The following COL8A1 variants were observed in gnomAD, a reference collection of about 807,000 sequenced individuals.
The protein encoded by COL8A1 is collagen alpha-1(VIII) chain.
COL8A1 carries 21 observed loss-of-function variants against 42.7 expected under a neutral mutation model. The observed-to-expected ratio is 0.49, with a 90% confidence interval of 0.35 to 0.71. The LOEUF (loss-of-function observed/expected upper bound fraction) is 0.71. Among genes scored for constraint, COL8A1 ranks in the 30% least tolerant of loss-of-function variants. COL8A1 has a pLI of 0.01. For missense variants in COL8A1, 788 were observed against 962.4 expected, an observed-to-expected ratio of 0.82 and a Z score of 2.40; for synonymous variants, 367 against 369.1, an observed-to-expected ratio of 0.99 and a Z score of 0.06.
intron 2 of COL8A1, among the ~76,000 whole-genome samples, chr3:99,785,139 T>C (rs576790474): frequency 6.6e-5 from 10 of 152,336 alleles, no homozygotes; most frequent in East Asian, 5.8e-4. Context: ...GTTTAGATAA[T>C]TTAAAAAGCA....
rs1231219330 is a variant in COL8A1, at chr3:99,773,834, TA to T, written c.-3-16845del. On this transcript the variant is annotated intron_variant, in intron 2 of 3. Coordinates refer to ENST00000652472, the MANE Select transcript of COL8A1 (RefSeq NM_020351.4). The stretch of plus-strand genomic sequence containing the variant: ...ATGTGTGTATATATATATATATATA[TA>T]TATTTTTTTTTTTTTTTTTTTTTTT... Among the ~76,000 whole-genome samples the T allele has an allele frequency of 3.3e-3, 270 of 81,022 alleles. 1 individual carries two copies. Among genetic ancestry groups the T allele is most frequent in the African/African-American group, 0.013 (226 of 18,036 alleles). The allele number at this position is 81,022 out of a possible 152,430, so 53.2% of individuals were successfully genotyped here. A position where few individuals can be genotyped will look rare whatever the true frequency, so the allele number is the denominator to read the frequency against.
At chr3:99,697,213 C>G (rs1004009397) in intron 1 of COL8A1, among the ~76,000 whole-genome samples, 1 of 151,842 alleles carries the variant, frequency 6.6e-6, no homozygotes. Flanking sequence ...GTCTCGATCT[C>G]CTGACCTCGT....
chr3:99,667,495 GATC>G (rs1479453184), intron 1 of COL8A1, among the ~76,000 whole-genome samples: 1 of 152,106 alleles, frequency 6.6e-6, no homozygotes, highest in Non-Finnish European at 1.5e-5. Context: ...TTCCTTAGAA[GATC>G]ATCTGTCGCT....
intron 1 of COL8A1, among the ~76,000 whole-genome samples, chr3:99,716,582 A>G (rs759301705): frequency 6.6e-6 from 1 of 152,016 alleles, no homozygotes; most frequent in Non-Finnish European, 1.5e-5. Context: ...ATTCCAAACA[A>G]AATCAAAACC....
At chr3:99,734,920 T>C (rs1430856682) in intron 1 of COL8A1, among the ~76,000 whole-genome samples, 1 of 151,658 alleles carries the variant, frequency 6.6e-6, no homozygotes, top group Non-Finnish European at 1.5e-5. Flanking sequence ...CAATTGTGAA[T>C]GGGAGTTCAC....
intron 2 of COL8A1, among the ~76,000 whole-genome samples, chr3:99,755,089 A>C (rs1941228677): frequency 6.6e-6 from 1 of 152,236 alleles, no homozygotes; most frequent in Non-Finnish European, 1.5e-5. Flanking sequence ...CCCTAAAATT[A>C]GGCTAGATAA....
intron 3 of COL8A1, among the ~76,000 whole-genome samples, chr3:99,791,432 G>A (rs927062813): frequency 6.6e-6 from 1 of 152,194 alleles, no homozygotes; most frequent in African/African-American, 2.4e-5. Flanking sequence ...GACCTGCTGT[G>A]TTAAAAGAAA....
intron 2 of COL8A1, among the ~76,000 whole-genome samples, chr3:99,772,032 A>G (rs905003647): frequency 6.6e-6 from 1 of 152,224 alleles, no homozygotes; most frequent in African/African-American, 2.4e-5. Context: ...ACTACCTAGC[A>G]AAGCCCACAT....
chr3:99,768,563 T>C (rs1407397666), intron 2 of COL8A1, among the ~76,000 whole-genome samples: 1 of 152,220 alleles, frequency 6.6e-6, no homozygotes, highest in Non-Finnish European at 1.5e-5. Flanking sequence ...AGGGTCTCCT[T>C]TAGATCTCAT....
chr3:99,783,500 G>A (rs1402567319), intron 2 of COL8A1, among the ~76,000 whole-genome samples: 4 of 152,218 alleles, frequency 2.6e-5, no homozygotes, highest in Non-Finnish European at 5.9e-5. Context: ...CTTGCCCACT[G>A]CCTCCATGTG....
intron 2 of COL8A1, among the ~76,000 whole-genome samples, chr3:99,770,591 A>AGAGAAT (rs1941560264): frequency 6.6e-6 from 1 of 152,244 alleles, no homozygotes. Context: ...ACAATAAAAG[A>AGAGAAT]GAGAATGGAA....
intron 1 of COL8A1, among the ~76,000 whole-genome samples, chr3:99,653,858 G>A (rs1036721060): frequency 6.6e-6 from 1 of 151,994 alleles, no homozygotes; most frequent in South Asian, 2.1e-4. Flanking sequence ...GTTCTCTAGA[G>A]GGACAGAGCT....
intron 2 of COL8A1, among the ~76,000 whole-genome samples, chr3:99,762,228 C>G (rs1941378333): frequency 6.6e-6 from 1 of 152,148 alleles, no homozygotes; most frequent in Non-Finnish European, 1.5e-5. Context: ...TTCTTGAGCA[C>G]TTTGATACCA....
At chr3:99,739,153 C>T (rs1283290283) in intron 1 of COL8A1, among the ~76,000 whole-genome samples, 1 of 152,172 alleles carries the variant, frequency 6.6e-6, no homozygotes, top group Non-Finnish European at 1.5e-5. Flanking sequence ...GAACTCAGTA[C>T]CTCAGATGGA....
At chr3:99,766,424 A>G (rs1479298800) in intron 2 of COL8A1, among the ~76,000 whole-genome samples, 2 of 152,190 alleles carry the variant, frequency 1.3e-5, no homozygotes, top group Non-Finnish European at 2.9e-5. Context: ...CACTCAATCC[A>G]TGCACTTAAG....
chr3:99,744,863 C>T (rs986793718), intron 1 of COL8A1, 34 bp from the exon 2 acceptor site: 1 of 152,130 alleles, frequency 6.6e-6, no homozygotes, highest in African/African-American at 2.4e-5. Flanking sequence ...TTTTAATTGC[C>T]TTGAGTAAAA....
At chr3:99,659,083 G>A (rs1452609125) in intron 1 of COL8A1, among the ~76,000 whole-genome samples, 1 of 152,194 alleles carries the variant, frequency 6.6e-6, no homozygotes, top group Non-Finnish European at 1.5e-5. Context: ...AGTTGACTAG[G>A]AAGAACAAGA....
chr3:99,745,549 T>A (rs937543213), intron 2 of COL8A1, among the ~76,000 whole-genome samples: 6 of 152,176 alleles, frequency 3.9e-5, no homozygotes, highest in African/African-American at 1.4e-4. Context: ...TTGGGGCAAC[T>A]TTTTTTCTGG....
At chr3:99,659,189 G>A (rs375409767) in intron 1 of COL8A1, among the ~76,000 whole-genome samples, 8 of 152,168 alleles carry the variant, frequency 5.3e-5, no homozygotes, top group South Asian at 2.1e-4. Flanking sequence ...ATAAGGCCAC[G>A]TTCACCCTGA....
Sources: allele counts gnomAD v4.1 joint callset (sites outside exome capture counted in the v4.1 genomes callset), GRCh38; gene constraint gnomAD v4.1.1; transcripts MANE v1.5; gene names NCBI Gene and HGNC (gene_info 2026-07-23, HGNC 2026-07-21).